Variants in HS3ST5 observed in about 807,000 individuals in gnomAD.
HS3ST5 encodes the protein heparan sulfate glucosamine 3-O-sulfotransferase 5.
In HS3ST5, 10 loss-of-function variants were observed where a neutral mutation model predicts 25.4. That is an observed-to-expected ratio of 0.39 (90% CI 0.24 to 0.67). The LOEUF (loss-of-function observed/expected upper bound fraction) is 0.67. Among genes scored for constraint, HS3ST5 ranks in the 30% least tolerant of loss-of-function variants. The probability of loss-of-function intolerance (pLI) is 0.44; values close to 1 mark genes in which losing one functional copy is unlikely to be tolerated. For synonymous variants in HS3ST5, 170 were observed against 162.4 expected (o/e 1.05, Z -0.36); for missense variants, 324 against 420.7 (o/e 0.77, Z 2.01).
chr6:114,182,087 A>G lies in HS3ST5; in HGVS notation c.-144-13625T>C, dbSNP rs57960018. Among the ~76,000 whole-genome samples the G allele has an allele frequency of 3.2e-3, 491 of 152,306 alleles. 2 individuals are homozygous for G. Among genetic ancestry groups the G allele is most frequent in the African/African-American group, 0.011 (472 of 41,580 alleles). On this transcript the variant is annotated intron_variant, in intron 2 of 4. Coordinates refer to ENST00000312719, the MANE Select transcript of HS3ST5 (RefSeq NM_153612.4). ...CAAAGCCACTATTTAAAACAGATTG[A>G]GAATGTATGCAAGTCATATATATTG... is the stretch of plus-strand genomic sequence containing the variant.
chr6:114,120,599 T>C (rs1025586046), intron 3 of HS3ST5, among the ~76,000 whole-genome samples: 1 of 152,164 alleles, frequency 6.6e-6, no homozygotes, highest in Non-Finnish European at 1.5e-5. Context: ...AATTGGAAAA[T>C]AGTTATAGAA....
At chr6:114,127,077 G>A (rs778692630) in intron 3 of HS3ST5, among the ~76,000 whole-genome samples, 1 of 151,876 alleles carries the variant, frequency 6.6e-6, no homozygotes, top group Non-Finnish European at 1.5e-5. Context: ...TTAGTCCTGC[G>A]AGTTCTCCAA....
intron 1 of HS3ST5, among the ~76,000 whole-genome samples, chr6:114,290,138 A>C (rs1774506568): frequency 6.6e-6 from 1 of 152,158 alleles, no homozygotes; most frequent in South Asian, 2.1e-4. Context: ...GGAGAGATTA[A>C]ACCACAAGGT....
intron 3 of HS3ST5, among the ~76,000 whole-genome samples, chr6:114,063,466 G>C (rs557504401): frequency 4.0e-5 from 6 of 148,896 alleles, no homozygotes; most frequent in Non-Finnish European, 8.9e-5. Context: ...AGTGAGCTGC[G>C]ATCATGCCAC....
At chr6:114,066,409 G>A (rs1773449130) in intron 3 of HS3ST5, among the ~76,000 whole-genome samples, 1 of 152,178 alleles carries the variant, frequency 6.6e-6, no homozygotes, top group African/African-American at 2.4e-5. Flanking sequence ...AATCTCAGCA[G>A]TTTGGGAGTC....
At chr6:114,235,617 T>G (rs1771820222) in intron 1 of HS3ST5, 1 of 152,180 alleles carries the variant, frequency 6.6e-6, no homozygotes, top group Non-Finnish European at 1.5e-5. Flanking sequence ...TTTGGATTTT[T>G]TTTCTTCTTA....
intron 2 of HS3ST5, among the ~76,000 whole-genome samples, chr6:114,206,056 G>C (rs1396720448): frequency 6.6e-6 from 1 of 152,014 alleles, no homozygotes; most frequent in Non-Finnish European, 1.5e-5. Context: ...CATTTTTCTA[G>C]ACCTTCCTGC....
At chr6:114,330,380 C>T (rs1333174951) in intron 1 of HS3ST5, among the ~76,000 whole-genome samples, 4 of 152,068 alleles carry the variant, frequency 2.6e-5, no homozygotes, top group Non-Finnish European at 4.4e-5. Context: ...AGTAGTTGCT[C>T]GGTAAATAGC....
In HS3ST5 at chr6:114,056,851, A is replaced by G. The variant is rs1352375063; in HGVS notation, c.*406T>C. On this transcript the variant is annotated 3_prime_UTR_variant, in exon 5 of 5. Transcript: ENST00000312719. ...AGAGCCAGCTTTCCCTTAGGAAAAAAAAAATGCATCACTGGATCCTCTACT... is the reference window on the plus strand; with the variant it reads ...AGAGCCAGCTTTCCCTTAGGAAAAAGAAAATGCATCACTGGATCCTCTACT... 6.3e-6 allele frequency: 1 copy of G among 158,218 alleles called. No individual in the cohort carries two copies. The highest frequency in any genetic ancestry group is 1.4e-5 in the Non-Finnish European group (1 of 72,384). The allele number at this position is 158,218 out of a possible 1,614,324, so 9.8% of individuals were successfully genotyped here. A position where few individuals can be genotyped will look rare whatever the true frequency, so the allele number is the denominator to read the frequency against.
intron 3 of HS3ST5, among the ~76,000 whole-genome samples, chr6:114,105,331 G>C (rs1162552597): frequency 1.3e-5 from 2 of 152,152 alleles, no homozygotes; most frequent in East Asian, 3.9e-4. Context: ...CCACACAGTA[G>C]AGTAGCACTG....
chr6:114,101,223 G>A (rs1300344725), intron 3 of HS3ST5, among the ~76,000 whole-genome samples: 1 of 152,106 alleles, frequency 6.6e-6, no homozygotes. Context: ...GGGTTATTAA[G>A]CCGAATAAGC....
chr6:114,110,437 G>C (rs2114846461), intron 3 of HS3ST5, among the ~76,000 whole-genome samples: 1 of 152,214 alleles, frequency 6.6e-6, no homozygotes. Context: ...TCTGTGCCCA[G>C]GACCAGGCTG....
chr6:114,298,382 A>G (rs557278666), intron 1 of HS3ST5, among the ~76,000 whole-genome samples: 1 of 152,352 alleles, frequency 6.6e-6, no homozygotes, highest in African/African-American at 2.4e-5. Context: ...AAACAATAAC[A>G]TCATTCTCAT....
intron 3 of HS3ST5, among the ~76,000 whole-genome samples, chr6:114,077,070 A>T (rs1054668643): frequency 4.6e-5 from 7 of 152,174 alleles, no homozygotes; most frequent in African/African-American, 7.2e-5. Flanking sequence ...AAATTTTCAT[A>T]TGGGTTCTTC....
In HS3ST5 at chr6:114,058,188, A is replaced by G. The variant is rs755629988; in HGVS notation, c.110T>C (p.Leu37Pro). ...ACCTTCAATGGGGCAAATGGGTTGT[A>G]GCCTGCAAGCAAGACAGAGACACTT... ...LVARVGSLDR[L>P]QPICPIEGRL... The change falls in exon 5 of 5, where the codon CTA becomes CCA. Residue 37 changes from leucine to proline, a missense_variant and splice_region_variant. Leu to Pro is a moderately conservative substitution (Grantham distance 98). This residue lies in a region of HS3ST5 where 121 missense variants were observed against 117.3 expected (regional missense o/e 1.03). Coordinates refer to ENST00000312719, the MANE Select transcript of HS3ST5 (RefSeq NM_153612.4). 6.3e-7 allele frequency: 1 copy of G among 1,597,792 alleles called. No homozygotes were observed. The highest frequency in any genetic ancestry group is 8.6e-7 in the Non-Finnish European group (1 of 1,168,426).
At chr6:114,217,186 G>A (rs1781811002) in intron 2 of HS3ST5, among the ~76,000 whole-genome samples, 1 of 152,196 alleles carries the variant, frequency 6.6e-6, no homozygotes, top group Non-Finnish European at 1.5e-5. Flanking sequence ...CTTGTTGGGT[G>A]AGTTCAATTT....
At chr6:114,163,398 T>A (rs1779063933) in intron 3 of HS3ST5, among the ~76,000 whole-genome samples, 1 of 152,232 alleles carries the variant, frequency 6.6e-6, no homozygotes, top group African/African-American at 2.4e-5. Context: ...GTCCCAAGAA[T>A]AAGTTAAAAG....
intron 3 of HS3ST5, among the ~76,000 whole-genome samples, chr6:114,154,058 GGCAGAA>G (rs1778583870): frequency 6.6e-6 from 1 of 152,224 alleles, no homozygotes; most frequent in Admixed American, 6.5e-5. Context: ...CAGACAAGTG[GGCAGAA>G]GCAAAGGCAA....
intron 2 of HS3ST5, among the ~76,000 whole-genome samples, chr6:114,226,570 CT>C (rs1459541808): frequency 6.6e-6 from 1 of 151,818 alleles, no homozygotes; most frequent in Non-Finnish European, 1.5e-5. Flanking sequence ...TATGAAGAGA[CT>C]TTTATATGAA....
Sources: gnomAD v4.1 joint callset for allele counts (sites outside exome capture counted in the v4.1 genomes callset) on GRCh38, gnomAD v4.1.1 for gene constraint, gnomAD v4.1.1 regional missense constraint, MANE v1.5 for transcripts, NCBI Gene and HGNC (gene_info 2026-07-23, HGNC 2026-07-21) for gene names.